PRKAG2: variants seen among roughly 807,000 people sequenced by gnomAD.
PRKAG2 encodes the protein protein kinase AMP-activated non-catalytic subunit gamma 2, also known as 5'-AMP-activated protein kinase subunit gamma-2.
A neutral mutation model predicts 69.6 loss-of-function variants in PRKAG2; 26 were observed. The ratio of observed to expected loss-of-function variants is 0.37; its 90% CI spans 0.27 to 0.52. The LOEUF is 0.52. Ranked by LOEUF, PRKAG2 falls within the 20% of genes least tolerant of loss-of-function variation. PRKAG2 has a pLI of 0.90. For synonymous variants in PRKAG2, 293 were observed against 285.0 expected (o/e 1.03, Z -0.28); for missense variants, 557 against 740.0 (o/e 0.75, Z 2.87).
intron 1 of PRKAG2, among the ~76,000 whole-genome samples, chr7:151,801,395 T>C (rs1377395563): frequency 7.4e-6 from 1 of 135,138 alleles, no homozygotes; most frequent in Non-Finnish European, 1.6e-5. Flanking sequence ...CAGGTCCCCA[T>C]CTCTCAGGCC....
intron 6 of PRKAG2, among the ~76,000 whole-genome samples, chr7:151,578,747 TG>T (rs1338198602): frequency 2.0e-5 from 3 of 152,230 alleles, no homozygotes; most frequent in African/African-American, 7.2e-5. Flanking sequence ...GAACTGTTTC[TG>T]AAACACACCT....
chr7:151,739,467 T>A (rs1586196239), intron 3 of PRKAG2, among the ~76,000 whole-genome samples: 1 of 151,526 alleles, frequency 6.6e-6, no homozygotes, highest in East Asian at 1.9e-4. Context: ...TATTTATTTA[T>A]TTATCTATTT....
chr7:151,810,628 T>A (rs1317605349), intron 1 of PRKAG2: 1 of 153,392 alleles, frequency 6.5e-6, no homozygotes, highest in Non-Finnish European at 1.5e-5. Flanking sequence ...GGGCTGGCTC[T>A]GTACCCGCAG....
In PRKAG2 at chr7:151,606,335, T is replaced by C. The variant is rs145143460; in HGVS notation, c.755-10881A>G. On this transcript the variant is annotated intron_variant, in intron 5 of 15. Transcript: ENST00000287878. ...ACGTTCCTTTTTAATGTCGCTTTTC[T>C]ACTTTTAGTATAAACTTTACGATTA... Among the ~76,000 whole-genome samples the C allele has an allele frequency of 2.3e-3, 354 of 152,372 alleles. 2 individuals carry two copies. Among genetic ancestry groups the C allele is most frequent in the African/African-American group, 8.1e-3 (336 of 41,592 alleles).
rs34991827 is a variant in PRKAG2 at position 151,594,807 on chromosome 7, C to CT, written c.864+537dup. 1.8e-3 allele frequency among the ~76,000 whole-genome samples: 263 copies of CT among 148,658 alleles called. 1 individual carries two copies. The highest frequency in any genetic ancestry group is 3.9e-3 in the Admixed American group (58 of 14,854). ...AACTTGTGGACTAAGCTTTCTTTTT[C>CT]TTTTTTTTTTGAGATGGAGTCTCAC... On this transcript the variant is annotated intron_variant, in intron 6 of 15. Coordinates refer to ENST00000287878, the MANE Select transcript of PRKAG2 (RefSeq NM_016203.4).
intron 4 of PRKAG2, among the ~76,000 whole-genome samples, chr7:151,651,762 ATGT>A (rs1720417398): frequency 6.6e-6 from 1 of 152,346 alleles, no homozygotes; most frequent in South Asian, 2.1e-4. Context: ...GGGTTCATCC[ATGT>A]TGTCACAGAT....
rs370899599 is a variant in PRKAG2, at chr7:151,564,133, T to C, written c.1529A>G (p.Lys510Arg). ...CTCCAGTATTTCCAGCTTATTGCAC[T>C]TCACAACACCTTCAAAATACTGTGA... is the stretch of plus-strand genomic sequence containing the variant. ...HRSQYFEGVVKCNKLEILETI... is the reference protein window; with the variant it reads ...HRSQYFEGVVRCNKLEILETI... The change falls in exon 14 of 16, where the codon AAG becomes AGG. Residue 510 changes from lysine to arginine, a missense_variant. By Grantham distance (26) the Lys-to-Arg change is conservative (BLOSUM62 2). Around this residue, in one of 2 missense-constraint regions of PRKAG2, gnomAD observed 205 missense variants for 383.4 expected, o/e 0.53. Transcript: ENST00000287878. 8.1e-6 allele frequency: 13 copies of C among 1,614,040 alleles called. No homozygotes were observed. The highest frequency in any genetic ancestry group is 1.1e-5 in the Non-Finnish European group (13 of 1,180,040).
intron 5 of PRKAG2, among the ~76,000 whole-genome samples, chr7:151,624,963 A>G (rs1473625346): frequency 6.6e-6 from 1 of 152,148 alleles, no homozygotes; most frequent in African/African-American, 2.4e-5. Flanking sequence ...TCCAAAATAC[A>G]TACGTTCATT....
chr7:151,658,174 T>TAAAA (rs1252014041), intron 4 of PRKAG2, among the ~76,000 whole-genome samples: 1 of 138,330 alleles, frequency 7.2e-6, no homozygotes, highest in African/African-American at 2.7e-5. Context: ...AATAAATAAA[T>TAAAA]AAATAAATAA....
At chr7:151,697,256 C>A (rs1012624723) in intron 3 of PRKAG2, among the ~76,000 whole-genome samples, 1 of 152,090 alleles carries the variant, frequency 6.6e-6, no homozygotes, top group Admixed American at 6.5e-5. Context: ...CAGCTGCAGC[C>A]CACCAGGCCT....
Position 151,788,659 on chromosome 7 carries a change from T to C in PRKAG2, c.115-2118A>G, listed in dbSNP as rs891177409. On this transcript the variant is annotated intron_variant, in intron 1 of 15. Coordinates refer to ENST00000287878, the MANE Select transcript of PRKAG2 (RefSeq NM_016203.4). The surrounding 1 kb of genome is among the most constrained non-coding windows in gnomAD (Gnocchi z 4.6). The stretch of plus-strand genomic sequence containing the variant: ...TCCTTTGATGTACAGAAGTCTTTGA[T>C]TTATCTAATTTGCCTTTTGTTGCCT... 6.6e-6 allele frequency among the ~76,000 whole-genome samples: 1 copy of C among 152,246 alleles called. No homozygotes were observed. Among genetic ancestry groups the C allele is most frequent in the Non-Finnish European group, 1.5e-5 (1 of 68,038 alleles).
At chr7:151,702,545 C>T (rs1229538644) in intron 3 of PRKAG2, among the ~76,000 whole-genome samples, 1 of 152,226 alleles carries the variant, frequency 6.6e-6, no homozygotes, top group Non-Finnish European at 1.5e-5. Flanking sequence ...CCCCATCTGC[C>T]AGGAAGCCCA....
Position 151,574,967 on chromosome 7 carries a change from A to G in PRKAG2, c.947-18T>C, listed in dbSNP as rs1199788773. The G allele has an allele frequency of 1.1e-5, 18 of 1,612,192 alleles. No homozygotes were observed. The highest frequency in any genetic ancestry group is 1.4e-5 in the Non-Finnish European group (16 of 1,179,514). ...TAGCATTCCTGGAACAAAGAATTAC[A>G]TGTTACAAATAAAACCATGAAAACA... On this transcript the variant is annotated intron_variant, in intron 7 of 15. Coordinates refer to ENST00000287878, the MANE Select transcript of PRKAG2 (RefSeq NM_016203.4).
chr7:151,708,010 G>T (rs1251821173), intron 3 of PRKAG2, among the ~76,000 whole-genome samples: 1 of 152,172 alleles, frequency 6.6e-6, no homozygotes, highest in African/African-American at 2.4e-5. Context: ...ACCTGCAAAG[G>T]CCCCCGGACA....
At chr7:151,755,630 T>C (rs988429778) in intron 3 of PRKAG2, among the ~76,000 whole-genome samples, 3 of 152,252 alleles carry the variant, frequency 2.0e-5, no homozygotes, top group African/African-American at 7.2e-5. Flanking sequence ...TAAATACTTA[T>C]TGGAACACAG....
At chr7:151,747,875 T>TA (rs1233666568) in intron 3 of PRKAG2, among the ~76,000 whole-genome samples, 1 of 151,494 alleles carries the variant, frequency 6.6e-6, no homozygotes, top group Non-Finnish European at 1.5e-5. Flanking sequence ...TCAGTGGGGC[T>TA]AAGGGGGTGA....
chr7:151,768,872 C>G (rs1238303353), intron 3 of PRKAG2, among the ~76,000 whole-genome samples: 1 of 152,242 alleles, frequency 6.6e-6, no homozygotes, highest in African/African-American at 2.4e-5. Flanking sequence ...ACTCTGTAGC[C>G]TTGCTCTTTC....
In PRKAG2 at chr7:151,747,414, G is replaced by A. The variant is rs184409257; in HGVS notation, c.466+33738C>T. Among the ~76,000 whole-genome samples, 44 of 152,162 alleles carry A rather than the reference G, an allele frequency of 2.9e-4. No homozygotes were observed. In the East Asian group the frequency reaches 3.7e-3, roughly 13 times the overall value. ...TCTACTAAAAATACAAAAATTAGCC[G>A]GGCGTGGTGGCGGGCGCCTGTAATC... is the stretch of plus-strand genomic sequence containing the variant. On this transcript the variant is annotated intron_variant, in intron 3 of 15. Transcript: ENST00000287878.
intron 1 of PRKAG2, among the ~76,000 whole-genome samples, chr7:151,853,708 T>C (rs1170852136): frequency 6.8e-6 from 1 of 146,076 alleles, no homozygotes; most frequent in Admixed American, 7.0e-5. Flanking sequence ...TGCAGTGAGC[T>C]GAGATCATGC....
Sources: allele counts gnomAD v4.1 joint callset (sites outside exome capture counted in the v4.1 genomes callset), GRCh38; gene constraint gnomAD v4.1.1; regional missense constraint gnomAD v4.1.1; non-coding constraint Gnocchi (gnomAD v3.1); transcripts MANE v1.5; gene names NCBI Gene and HGNC (gene_info 2026-07-23, HGNC 2026-07-21).